Variants in UGGT2 observed in about 807,000 individuals in gnomAD.
UGGT2 encodes the protein UDP-glucose glycoprotein glucosyltransferase 2.
UGGT2 carries 180 observed loss-of-function variants against 192.1 expected under a neutral mutation model. The ratio of observed to expected loss-of-function variants is 0.94; its 90% CI spans 0.83 to 1.06. The LOEUF (loss-of-function observed/expected upper bound fraction) is 1.06. Among genes scored for constraint, UGGT2 ranks in the 50% least tolerant of loss-of-function variants. UGGT2 has a pLI of 0.00. For missense variants in UGGT2, 1,849 were observed against 1,795.7 expected, an observed-to-expected ratio of 1.03 and a Z score of -0.54; for synonymous variants, 580 against 591.0, an observed-to-expected ratio of 0.98 and a Z score of 0.27.
chr13:95,846,568 T>C (rs1888485611), intron 36 of UGGT2, among the ~76,000 whole-genome samples: 1 of 152,236 alleles, frequency 6.6e-6, no homozygotes, highest in Non-Finnish European at 1.5e-5. Context: ...GGTCTTCATG[T>C]CAAGGGAATG....
chr13:95,814,811 A>T (rs552560469), intron 38 of UGGT2, among the ~76,000 whole-genome samples: 20 of 152,324 alleles, frequency 1.3e-4, no homozygotes, highest in African/African-American at 4.8e-4. Context: ...CTCCATGAAC[A>T]CAGATGCAAA....
intron 27 of UGGT2, among the ~76,000 whole-genome samples, chr13:95,883,893 G>C (rs1282902173): frequency 6.6e-6 from 1 of 151,808 alleles, no homozygotes; most frequent in African/African-American, 2.4e-5. Flanking sequence ...TTCTTTCTGT[G>C]CTGTGAATTA....
intron 9 of UGGT2, chr13:95,985,238 C>T (rs566999323): frequency 7.7e-5 from 93 of 1,207,794 alleles, no homozygotes; most frequent in Admixed American, 2.8e-4. Context: ...TTTATACACA[C>T]CCATATATAT....
At chr13:95,877,447 AAAGT>A (rs1282397514) in intron 28 of UGGT2, 83 bp from the exon 29 acceptor site, 1 of 1,163,828 alleles carries the variant, frequency 8.6e-7, no homozygotes, top group Non-Finnish European at 1.2e-6. Flanking sequence ...ATGATCTAAG[AAAGT>A]ATTTATTAAC....
In UGGT2 at chr13:95,832,879, C is replaced by T. The variant is rs200351306; in HGVS notation, c.4528+48G>A. On this transcript the variant is annotated intron_variant, in intron 38 of 38. Transcript: ENST00000376747. The stretch of plus-strand genomic sequence containing the variant: ...ATGAGTCTGTAGTCTATTCTAATCT[C>T]ATTAATGCAACGCATGTTTCAGACA... 4.4e-6 allele frequency: 7 copies of T among 1,602,578 alleles called. No homozygotes were observed. The East Asian group carries it at 9.0e-5, about 21-fold the overall frequency.
chr13:95,887,919 C>G lies in UGGT2; in HGVS notation c.3011G>C (p.Gly1004Ala), dbSNP rs1389654774. The G allele has an allele frequency of 1.2e-6, 2 of 1,603,238 alleles. No homozygotes were observed. The change falls in exon 26 of 39, where the codon GGC (glycine) becomes GCC (alanine). Residue 1004 changes from glycine (G) to alanine (A), a missense_variant. Gly to Ala is a moderately conservative substitution (Grantham distance 60, BLOSUM62 0). Coordinates refer to ENST00000376747, the MANE Select transcript of UGGT2 (RefSeq NM_020121.4). ...TTCTAAAGGGGCTTCTGAAAGCCTG[C>G]CCCTACAGTTCATGAACAACTTTAT... The part of the protein sequence containing the change: ...MKIKLFMNCR[G>A]RLSEAPLESF...
intron 36 of UGGT2, among the ~76,000 whole-genome samples, chr13:95,837,987 T>A (rs1348605916): frequency 1.3e-5 from 2 of 151,960 alleles, no homozygotes; most frequent in African/African-American, 4.8e-5. Flanking sequence ...AAAAGGAAAA[T>A]GTATATAGAT....
At chr13:96,039,237 A>G (rs1244269929) in intron 1 of UGGT2, among the ~76,000 whole-genome samples, 3 of 151,882 alleles carry the variant, frequency 2.0e-5, no homozygotes, top group Non-Finnish European at 4.4e-5. Context: ...AAGTAGCTCT[A>G]TAGTCCATTT....
At chr13:95,931,145 G>A (rs1383398389) in intron 17 of UGGT2, among the ~76,000 whole-genome samples, 2 of 152,142 alleles carry the variant, frequency 1.3e-5, no homozygotes, top group Admixed American at 6.5e-5. Flanking sequence ...GCTGATTGGT[G>A]TGTTTACAAT....
At chr13:95,829,155 T>C (rs967254998) in intron 38 of UGGT2, among the ~76,000 whole-genome samples, 10 of 152,186 alleles carry the variant, frequency 6.6e-5, no homozygotes, top group African/African-American at 2.4e-4. Context: ...AATTAGGTAT[T>C]GATGGGACGT....
In UGGT2 at chr13:95,833,050, T is replaced by C; in HGVS notation, c.4405A>G (p.Asn1469Asp). The C allele has an allele frequency of 2.5e-6, 4 of 1,611,638 alleles. No homozygotes were observed. The highest frequency in any genetic ancestry group is 3.4e-6 in the Non-Finnish European group (4 of 1,178,484). Residue 1469 changes from asparagine (N) to aspartate (D), a missense_variant, in exon 38 of 39, where the codon AAT (asparagine) becomes GAT (aspartate). Physicochemically the swap from Asn to Asp is conservative, Grantham distance 23. Coordinates refer to ENST00000376747, the MANE Select transcript of UGGT2 (RefSeq NM_020121.4). ...TTGGATTCTTTTGTTTTGGGATTAT[T>C]GCACTAAAAGTTTAAGTAAATTTTG... Reference protein sequence around the residue: ...KQRAKTIDLCNNPKTKESKLK... With the variant: ...KQRAKTIDLCDNPKTKESKLK...
At chr13:96,026,659 C>CTTTT (rs71211702) in intron 2 of UGGT2, among the ~76,000 whole-genome samples, 428 of 101,516 alleles carry the variant, frequency 4.2e-3, no homozygotes, top group Middle Eastern at 7.5e-3. Flanking sequence ...TTTCACTCTT[C>CTTTT]TTTTTTTTTT....
intron 7 of UGGT2, chr13:95,991,278 T>C (rs2051449450): frequency 3.6e-6 from 1 of 275,628 alleles, no homozygotes; most frequent in Non-Finnish European, 7.4e-6. Flanking sequence ...TTTCTGGTTC[T>C]AGATCCTTGA....
chr13:95,990,943 G>C (rs1186749236), intron 7 of UGGT2: 1 of 152,186 alleles, frequency 6.6e-6, no homozygotes, highest in Admixed American at 6.5e-5. Flanking sequence ...CTCACTGTTC[G>C]AGTCCCACTT....
At chr13:95,867,152 T>C (rs1890744601) in intron 30 of UGGT2, among the ~76,000 whole-genome samples, 187 bp downstream of exon 30, 1 of 152,194 alleles carries the variant, frequency 6.6e-6, no homozygotes, top group South Asian at 2.1e-4. Context: ...CCTTCTCTTC[T>C]ATCTTCAAGT....
At chr13:95,977,853 T>C (rs2050988137) in intron 10 of UGGT2, among the ~76,000 whole-genome samples, 1 of 152,188 alleles carries the variant, frequency 6.6e-6, no homozygotes. Context: ...CATGGAATAC[T>C]ATGCAGTCAT....
At chr13:96,019,538 C>T (rs1437097932) in intron 4 of UGGT2, among the ~76,000 whole-genome samples, 2 of 152,136 alleles carry the variant, frequency 1.3e-5, no homozygotes, top group African/African-American at 2.4e-5. Context: ...GGGCCTCACA[C>T]GGTCTTGGCA....
At chr13:95,905,002 A>G (rs2048237701) in intron 20 of UGGT2, among the ~76,000 whole-genome samples, 1 of 151,932 alleles carries the variant, frequency 6.6e-6, no homozygotes, top group Admixed American at 6.6e-5. Context: ...CTGGTGTGAG[A>G]TGGTATCTCA....
At chr13:95,870,205 C>A (rs1434486108) in intron 29 of UGGT2, among the ~76,000 whole-genome samples, 2 of 152,124 alleles carry the variant, frequency 1.3e-5, no homozygotes, top group Non-Finnish European at 2.9e-5. Context: ...TCTGAAAAAA[C>A]TTATTTGTGG....
Sources: allele counts gnomAD v4.1 joint callset (sites outside exome capture counted in the v4.1 genomes callset), GRCh38; gene constraint gnomAD v4.1.1; transcripts MANE v1.5; gene names NCBI Gene and HGNC (gene_info 2026-07-23, HGNC 2026-07-21).